Variants in ZNF467 observed in about 807,000 individuals in gnomAD.
The protein encoded by ZNF467 is zinc finger protein 467, also known as zinc finger protein EZI.
Under a neutral mutation model 47.8 loss-of-function variants are expected in ZNF467, and 51 were observed. The observed-to-expected ratio is 1.07, with a 90% CI of 0.85 to 1.35. The LOEUF (loss-of-function observed/expected upper bound fraction) is 1.35, where lower values mean the gene tolerates loss of function less well. Ranked by LOEUF, ZNF467 falls within the 40% of genes most tolerant of loss-of-function variation. The pLI, the probability that ZNF467 is intolerant of heterozygous loss-of-function variation, is 0.00. For synonymous variants in ZNF467, 416 were observed against 372.9 expected, an observed-to-expected ratio of 1.12 and a Z score of -1.33; for missense variants, 992 against 858.1, an observed-to-expected ratio of 1.16 and a Z score of -1.95.
upstream of ZNF467, chr7:149,776,080 C>T: frequency 7.3e-7 from 1 of 1,365,080 alleles, no homozygotes. Flanking sequence ...TGGCGTGGGC[C>T]CTGGCTGACG....
upstream of ZNF467, chr7:149,776,442 CCGCCTGGGCT>C: frequency 1.5e-6 from 2 of 1,351,260 alleles, no homozygotes; most frequent in Non-Finnish European, 2.0e-6. Flanking sequence ...ACCATTACAG[CCGCCTGGGCT>C]GGCGGCTGGA....
chr7:149,764,809 G>T lies in ZNF467; in HGVS notation c.1693C>A (p.His565Asn). ...GGGGCCGCGTGGGCGGCTTCGCCGT[G>T]AATGAGCTGGTGCCGCACCAGGTGG... ...KTHLVRHQLI[H>N]GEAAHAAPDA... The change falls in exon 5 of 5, where the codon CAC becomes AAC. Residue 565 changes from histidine (H) to asparagine (N), a missense_variant. Physicochemically the swap from His to Asn is moderately conservative, Grantham distance 68. Coordinates refer to ENST00000302017, the MANE Select transcript of ZNF467 (RefSeq NM_207336.3). 1 of 1,530,960 alleles carries T rather than the reference G, an allele frequency of 6.5e-7. No individual in the cohort carries two copies. Among genetic ancestry groups the T allele is most frequent in the Non-Finnish European group, 8.8e-7 (1 of 1,140,398 alleles). 94.8% of individuals were successfully genotyped at this position (1,530,960 alleles called of 1,614,324 possible).
upstream of ZNF467, among the ~76,000 whole-genome samples, chr7:149,774,378 G>A (rs1799519797): frequency 6.6e-6 from 1 of 152,200 alleles, no homozygotes; most frequent in African/African-American, 2.4e-5. The surrounding 1 kb of genome is among the most constrained non-coding windows in gnomAD (Gnocchi z 5.7). Context: ...AAACCCCTGG[G>A]TTCCAGCTTC....
At chr7:149,776,483 C>T (rs767336224), upstream of ZNF467, 33 of 1,326,218 alleles carry the variant, frequency 2.5e-5, no homozygotes, top group Admixed American at 6.4e-5. Flanking sequence ...AGTGGCCGCT[C>T]GGGGCTTACC....
intron 4 of ZNF467, among the ~76,000 whole-genome samples, chr7:149,768,689 A>T (rs1799294358): frequency 1.3e-5 from 2 of 152,210 alleles, no homozygotes; most frequent in Admixed American, 1.3e-4. Context: ...GCATCTGGGT[A>T]CCCTCACGAT....
chr7:149,767,449 T>TCC (rs1438001021), intron 4 of ZNF467, among the ~76,000 whole-genome samples: 5 of 152,380 alleles, frequency 3.3e-5, no homozygotes, highest in African/African-American at 1.2e-4. Context: ...CTTCTATCAG[T>TCC]CCATTGATTC....
At position 149,765,488 on chromosome 7, in the gene ZNF467, A is replaced by C; in HGVS notation, c.1014T>G (p.Pro338=). 2 of 1,585,160 alleles carry C rather than the reference A, an allele frequency of 1.3e-6. No homozygotes were observed. The highest frequency in any genetic ancestry group is 1.7e-6 in the Non-Finnish European group (2 of 1,166,622). ...ARPSPDSSAS[P]HSTAPSPTPS... ...GGGTCGGGGACGGGGCAGTGGAATG[A>C]GGAGAAGCGGACGAGTCGGGAGAGG... Residue 338 remains proline, a synonymous_variant, in exon 5 of 5, where the codon CCT becomes CCG. Transcript: ENST00000302017.
At chr7:149,774,803 C>A (rs1473522378), upstream of ZNF467, among the ~76,000 whole-genome samples, 1 of 152,078 alleles carries the variant, frequency 6.6e-6, no homozygotes, top group Non-Finnish European at 1.5e-5. The surrounding 1 kb of genome is among the most constrained non-coding windows in gnomAD (Gnocchi z 5.7). Context: ...TCCGTGACCC[C>A]CTGAGAGACT....
rs773739368 is a variant in ZNF467, at chr7:149,766,023, T to C, written c.479A>G (p.Tyr160Cys). ...SGWGPMPEKP[Y>C]GCGECERRFR... ...GCGCCGCTCACACTCCCCGCAGCCG[T>C]AGGGCTTCTCCGGCATCGGACCCCA... The change falls in exon 5 of 5, where the codon TAC becomes TGC. Residue 160 changes from tyrosine to cysteine, a missense_variant. Physicochemically the swap from Tyr to Cys is radical, Grantham distance 194. Transcript: ENST00000302017. 4.4e-6 allele frequency: 7 copies of C among 1,583,562 alleles called. No individual in the cohort carries two copies. Among genetic ancestry groups the C allele is most frequent in the Non-Finnish European group, 6.0e-6 (7 of 1,164,806 alleles).
chr7:149,765,255 G>C lies in ZNF467; in HGVS notation c.1247C>G (p.Ser416Cys). The C allele has an allele frequency of 2.7e-6, 4 of 1,465,834 alleles. No individual in the cohort carries two copies. The highest frequency in any genetic ancestry group is 3.6e-6 in the Non-Finnish European group (4 of 1,110,596). 90.8% of individuals were successfully genotyped at this position (1,465,834 alleles called of 1,614,324 possible). The stretch of plus-strand genomic sequence containing the variant: ...GGCGCGCTGGGGCACCACGGGATCG[G>C]ATCCTGGGCCGCAGCCCGGTCCGCC... ...APGGPGCGPG[S>C]DPVVPQRAPS... Residue 416 changes from serine to cysteine, a missense_variant, in exon 5 of 5, where the codon TCC becomes TGC. Coordinates refer to ENST00000302017, the MANE Select transcript of ZNF467 (RefSeq NM_207336.3).
chr7:149,775,300 G>C (rs1799543458), upstream of ZNF467, among the ~76,000 whole-genome samples: 3 of 152,238 alleles, frequency 2.0e-5, 1 homozygote, highest in South Asian at 4.1e-4. Flanking sequence ...TGGAGAAAAG[G>C]GTACATGTTG....
chr7:149,766,125 T>C lies in ZNF467; in HGVS notation c.377A>G (p.Asp126Gly). The C allele has an allele frequency of 6.2e-7, 1 of 1,605,984 alleles. No homozygotes were observed. Among genetic ancestry groups the C allele is most frequent in the South Asian group, 1.1e-5 (1 of 90,706 alleles). ...GTACGCGGCAGCCAGATGCCCCAGG[T>C]CAGGCGCGGGAAAGGGGCTGGGAAG... ...SLLPSPFPAP[D>G]LGHLAAAYKL... is the part of the protein sequence containing the mutation. Residue 126 changes from aspartate (D) to glycine (G), a missense_variant, in exon 5 of 5, where the codon GAC (aspartate) becomes GGC (glycine). Transcript: ENST00000302017.
rs753156990 is a variant in ZNF467, at chr7:149,766,149, A to AGT, written c.351_352dup (p.Leu118HisfsTer28). ...GTCAGGCGCGGGAAAGGGGCTGGGA[A>AGT]GTAACGATAGATGCTGGGGCCATTC... On this transcript the variant is annotated frameshift_variant, in exon 5 of 5. Coordinates refer to ENST00000302017, the MANE Select transcript of ZNF467 (RefSeq NM_207336.3). LOFTEE classifies it high-confidence loss of function. The AGT allele has an allele frequency of 1.3e-6, 2 of 1,597,104 alleles. No individual in the cohort carries two copies. Among genetic ancestry groups the AGT allele is most frequent in the Non-Finnish European group, 1.7e-6 (2 of 1,169,406 alleles).
rs855668 is a variant in ZNF467 at position 149,765,434 on chromosome 7, C to G, written c.1068G>C (p.Ala356=). The change falls in exon 5 of 5, where the codon GCG becomes GCC. Residue 356 remains alanine, a synonymous_variant. Coordinates refer to ENST00000302017, the MANE Select transcript of ZNF467 (RefSeq NM_207336.3). ...CGAAGCTCAAGCCGCAGTCGGAGCA[C>G]GCGAAAGGCTTTGGCCCGGGAAAGG... The part of the protein sequence containing the change: ...TPSFPGPKPF[A]CSDCGLSFGW... The G allele has an allele frequency of 0.19, 298,143 of 1,578,960 alleles. 38,285 individuals are homozygous for G. Among genetic ancestry groups the G allele is most frequent in the African/African-American group, 0.68 (50,335 of 74,530 alleles).
chr7:149,768,752 A>G (rs1228021735), intron 4 of ZNF467, among the ~76,000 whole-genome samples: 1 of 152,202 alleles, frequency 6.6e-6, no homozygotes, highest in East Asian at 1.9e-4. Context: ...GAAAATGTTG[A>G]TCAAAGCCAT....
At position 149,764,844 on chromosome 7, in the gene ZNF467, C is replaced by G. The variant is rs964451595; in HGVS notation, c.1658G>C (p.Ser553Thr). 1 of 1,549,468 alleles carries G rather than the reference C, an allele frequency of 6.5e-7. No homozygotes were observed. Among genetic ancestry groups the G allele is most frequent in the African/African-American group, 1.4e-5 (1 of 72,614 alleles). The change falls in exon 5 of 5, where the codon AGC becomes ACC. Residue 553 changes from serine (S) to threonine (T), a missense_variant. By Grantham distance (58) the Ser-to-Thr change is moderately conservative. Transcript: ENST00000302017. ...GTGCCGCACCAGGTGGGTCTTGCGG[C>G]TGAAGCTCTTTCCGCACTGCGGGCA... ...FSCPQCGKSFSRKTHLVRHQL... is the reference protein window; with the variant it reads ...FSCPQCGKSFTRKTHLVRHQL...
rs1283829323 is a variant in ZNF467 at position 149,771,081 on chromosome 7, A to C, written c.-42-7T>G. 6.2e-7 allele frequency: 1 copy of C among 1,612,984 alleles called. No individual in the cohort carries two copies. The highest frequency in any genetic ancestry group is 1.3e-5 in the African/African-American group (1 of 74,904). On this transcript the variant is annotated splice_region_variant and splice_polypyrimidine_tract_variant and intron_variant, in intron 1 of 4. Coordinates refer to ENST00000302017, the MANE Select transcript of ZNF467 (RefSeq NM_207336.3). ...GGGGATCAGGCCACAGAACCTATGG[A>C]GAAAAGACAGCCTTGTTCAGATTTT...
upstream of ZNF467, among the ~76,000 whole-genome samples, chr7:149,773,811 G>A (rs1483743081): frequency 1.3e-5 from 2 of 151,980 alleles, no homozygotes; most frequent in Non-Finnish European, 2.9e-5. Context: ...CTCCGGCCCC[G>A]CCCCCATTCT....
At position 149,769,269 on chromosome 7, in the gene ZNF467, T is replaced by C; in HGVS notation, c.152-69A>G. ...GATGGCCAAAGGGCCCCACTGGTGCTGGGAAGCAGGAGCATTTGAAACCCT... is the reference window on the plus strand; with the variant it reads ...GATGGCCAAAGGGCCCCACTGGTGCCGGGAAGCAGGAGCATTTGAAACCCT... On this transcript the variant is annotated intron_variant, in intron 3 of 4. Transcript: ENST00000302017. The surrounding 1 kb of genome is among the most constrained non-coding windows in gnomAD (Gnocchi z 5.3). The C allele has an allele frequency of 7.2e-7, 1 of 1,388,972 alleles. No individual in the cohort carries two copies. The highest frequency in any genetic ancestry group is 9.7e-7 in the Non-Finnish European group (1 of 1,031,460). 86.0% of individuals were successfully genotyped at this position (1,388,972 alleles called of 1,614,324 possible).
Sources: gnomAD v4.1 joint callset for allele counts (sites outside exome capture counted in the v4.1 genomes callset) on GRCh38, gnomAD v4.1.1 for gene constraint, Gnocchi (gnomAD v3.1) non-coding constraint, MANE v1.5 for transcripts, NCBI Gene and HGNC (gene_info 2026-07-23, HGNC 2026-07-21) for gene names.